KRAS: variants seen among roughly 807,000 people sequenced by gnomAD.
The protein encoded by KRAS is KRas proto-oncogene, GTPase.
A neutral mutation model predicts 21.0 loss-of-function variants in KRAS; 1 was observed. That is an observed-to-expected ratio of 0.05 (90% CI 0.02 to 0.23). The LOEUF is 0.23. Ranked by LOEUF, KRAS falls within the 10% of genes least tolerant of loss-of-function variation. The pLI is 1.00. For synonymous variants in KRAS, 67 were observed against 72.5 expected (o/e 0.92, Z 0.39); for missense variants, 107 against 221.8 (o/e 0.48, Z 3.29).
intron 2 of KRAS, among the ~76,000 whole-genome samples, chr12:25,237,794 A>G (rs1161609375): frequency 2.0e-5 from 3 of 152,226 alleles, no homozygotes; most frequent in South Asian, 4.1e-4. Flanking sequence ...AGTTAACTGC[A>G]TTATTTTATA....
At chr12:25,250,336 G>A (rs1197408713) in intron 1 of KRAS, among the ~76,000 whole-genome samples, 1 of 151,802 alleles carries the variant, frequency 6.6e-6, no homozygotes, top group Non-Finnish European at 1.5e-5. Context: ...AGAGGTGCGG[G>A]AGCGGGGAGA....
intron 2 of KRAS, among the ~76,000 whole-genome samples, chr12:25,230,562 A>C (rs1218908790): frequency 1.3e-5 from 2 of 152,150 alleles, no homozygotes; most frequent in African/African-American, 4.8e-5. Context: ...CGGGAGGTGG[A>C]GGTTACGGTG....
chr12:25,233,953 A>G (rs1400776381), intron 2 of KRAS: 1 of 193,158 alleles, frequency 5.2e-6, no homozygotes. Context: ...AAGATACTAC[A>G]TATTTGAAAT....
chr12:25,231,173 G>C (rs1391972404), intron 2 of KRAS, among the ~76,000 whole-genome samples: 2 of 136,680 alleles, frequency 1.5e-5, no homozygotes, highest in African/African-American at 5.5e-5. Context: ...ACGATCTCGA[G>C]TCACTGCAAC....
At position 25,209,783 on chromosome 12, in the gene KRAS, T is replaced by C; in HGVS notation, c.*12A>G. 6.2e-7 allele frequency: 1 copy of C among 1,605,098 alleles called. No homozygotes were observed. Among genetic ancestry groups the C allele is most frequent in the Non-Finnish European group, 8.5e-7 (1 of 1,173,346 alleles). On this transcript the variant is annotated 3_prime_UTR_variant, in exon 5 of 5. Coordinates refer to ENST00000311936, the MANE Select transcript of KRAS (RefSeq NM_004985.5). The stretch of plus-strand genomic sequence containing the variant: ...GTACTAGTATGCCTTAAGAAAAAAG[T>C]ACAAATTGTATTTACATAATTACAC...
intron 2 of KRAS, among the ~76,000 whole-genome samples, chr12:25,229,252 T>G (rs17388148): frequency 0.062 from 9,402 of 152,210 alleles, 393 homozygotes; most frequent in Non-Finnish European, 0.093. Context: ...ACTCTATTAT[T>G]CAAGATGATT....
chr12:25,224,368 C>A (rs1366546667), intron 4 of KRAS, among the ~76,000 whole-genome samples: 1 of 151,790 alleles, frequency 6.6e-6, no homozygotes, highest in Non-Finnish European at 1.5e-5. Flanking sequence ...ATGGTCCTGA[C>A]CCTGTGTAGG....
At position 25,231,077 on chromosome 12, in the gene KRAS, C is replaced by T. The variant is rs548417151; in HGVS notation, c.112-3665G>A. On this transcript the variant is annotated intron_variant, in intron 2 of 4. Transcript: ENST00000311936. ...GACCAAAGACTCTTCCTACCTATTG[C>T]TGCCACCTCACATTCTTTTTTTTTT... Among the ~76,000 whole-genome samples, 11 of 146,960 alleles carry T rather than the reference C, an allele frequency of 7.5e-5. No homozygotes were observed. The South Asian group carries it at 2.4e-3, about 32-fold the overall frequency.
At chr12:25,231,037 A>C (rs1240373807) in intron 2 of KRAS, among the ~76,000 whole-genome samples, 4 of 151,474 alleles carry the variant, frequency 2.6e-5, no homozygotes, top group African/African-American at 9.7e-5. Context: ...GCATGGCTAC[A>C]GAGCATGTAA....
chr12:25,245,573 C>T (rs143589275), intron 1 of KRAS, among the ~76,000 whole-genome samples, 178 bp from the exon 2 acceptor site: 28 of 152,232 alleles, frequency 1.8e-4, no homozygotes, highest in East Asian at 9.6e-4. Flanking sequence ...AGACGTGTAT[C>T]GTAATGAACT....
Position 25,206,896 on chromosome 12 carries a change from A to G in KRAS, c.*2899T>C, listed in dbSNP as rs374784149. 4.4e-5 allele frequency: 9 copies of G among 202,266 alleles called. No homozygotes were observed. Among genetic ancestry groups the G allele is most frequent in the East Asian group, 3.8e-4 (5 of 13,078 alleles). The allele number at this position is 202,266 out of a possible 1,614,324, so 12.5% of individuals were successfully genotyped here. A position where few individuals can be genotyped will look rare whatever the true frequency, so the allele number is the denominator to read the frequency against. On this transcript the variant is annotated 3_prime_UTR_variant, in exon 5 of 5. Transcript: ENST00000311936. ...ATCTGACATACACCTTAATGTGTAC[A>G]GTAATTGTCCTAAAAGAATCACAGT... is the stretch of plus-strand genomic sequence containing the variant.
chr12:25,225,808 A>G (rs1951385621), intron 3 of KRAS, 35 bp from the exon 4 acceptor site: 1 of 1,586,642 alleles, frequency 6.3e-7, no homozygotes, highest in South Asian at 1.1e-5. Flanking sequence ...CACAGTCATT[A>G]GTAACACAAA....
Position 25,250,879 on chromosome 12 carries a change from G to GCCGCCACTGCCGCCGCCGCTGCTGCCT in KRAS, c.-167_-141dup. 1 of 247,914 alleles carries GCCGCCACTGCCGCCGCCGCTGCTGCCT rather than the reference G, an allele frequency of 4.0e-6. No individual in the cohort carries two copies. Among genetic ancestry groups the GCCGCCACTGCCGCCGCCGCTGCTGCCT allele is most frequent in the Non-Finnish European group, 7.6e-6 (1 of 131,156 alleles). The allele number at this position is 247,914 out of a possible 1,614,324, so 15.4% of individuals were successfully genotyped here. A position where few individuals can be genotyped will look rare whatever the true frequency, so the allele number is the denominator to read the frequency against. On this transcript the variant is annotated 5_prime_UTR_variant, in exon 1 of 5. Coordinates refer to ENST00000311936, the MANE Select transcript of KRAS (RefSeq NM_004985.5). ...TGGCCGAGCCGCCGCCACCTTCGCC[G>GCCGCCACTGCCGCCGCCGCTGCTGCCT]CCGCCACTGCCGCCGCCGCTGCTGC...
rs919875576 is a variant in KRAS at position 25,225,427 on chromosome 12, C to G, written c.450+187G>C. 3 of 528,304 alleles carry G rather than the reference C, an allele frequency of 5.7e-6. No individual in the cohort carries two copies. The East Asian group carries it at 9.9e-5, about 17-fold the overall frequency. 32.7% of individuals were successfully genotyped at this position (528,304 alleles called of 1,614,324 possible). On this transcript the variant is annotated intron_variant, in intron 4 of 4. Coordinates refer to ENST00000311936, the MANE Select transcript of KRAS (RefSeq NM_004985.5). ...GAGAAATTTTCAATGTAGAAAGAAA[C>G]CAAAGCCAAAAGCAGTACCATGGAC...
chr12:25,240,425 A>G (rs1177187514), intron 2 of KRAS, among the ~76,000 whole-genome samples: 1 of 152,232 alleles, frequency 6.6e-6, no homozygotes. Context: ...TGAAGTTCCG[A>G]AAAGTAAAAC....
chr12:25,245,649 C>A (rs994702486), intron 1 of KRAS, among the ~76,000 whole-genome samples: 1 of 152,186 alleles, frequency 6.6e-6, no homozygotes, highest in African/African-American at 2.4e-5. Context: ...ATAGACAGTT[C>A]TTTTATCTTA....
intron 4 of KRAS, among the ~76,000 whole-genome samples, chr12:25,223,891 G>A (rs1429369190): frequency 2.6e-5 from 4 of 151,928 alleles, no homozygotes; most frequent in Non-Finnish European, 4.4e-5. Flanking sequence ...ACCAGAAAAA[G>A]CCCTAAACAA....
rs923325775 is a variant in KRAS, at chr12:25,229,135, A to T, written c.112-1723T>A. Among the ~76,000 whole-genome samples, 13 of 152,164 alleles carry T rather than the reference A, an allele frequency of 8.5e-5. 1 individual carries two copies. The highest frequency in any genetic ancestry group is 1.2e-4 in the African/African-American group (5 of 41,440). The stretch of plus-strand genomic sequence containing the variant: ...TTATGCATATTTTACCACAAAAAAA[A>T]ATTTTTTAAAGGTATTATATGGAGA... On this transcript the variant is annotated intron_variant, in intron 2 of 4. Coordinates refer to ENST00000311936, the MANE Select transcript of KRAS (RefSeq NM_004985.5).
intron 2 of KRAS, among the ~76,000 whole-genome samples, chr12:25,233,589 A>G (rs1179145045): frequency 6.6e-6 from 1 of 152,180 alleles, no homozygotes; most frequent in Non-Finnish European, 1.5e-5. Flanking sequence ...ATAAAAATGC[A>G]AAGCACTCTT....
Sources: allele counts gnomAD v4.1 joint callset (sites outside exome capture counted in the v4.1 genomes callset), GRCh38; gene constraint gnomAD v4.1.1; transcripts MANE v1.5; gene names NCBI Gene and HGNC (gene_info 2026-07-23, HGNC 2026-07-21).